MINDY4: variants seen among roughly 807,000 people sequenced by gnomAD.
MINDY4 encodes the protein MINDY lysine 48 deubiquitinase 4.
In MINDY4, 68 loss-of-function variants were observed where a neutral mutation model predicts 87.0. That is an observed-to-expected ratio of 0.78 (90% CI 0.64 to 0.96). The LOEUF is 0.96. Among genes scored for constraint, MINDY4 ranks in the 40% least tolerant of loss-of-function variants. The pLI, the probability that MINDY4 is intolerant of heterozygous loss-of-function variation, is 0.00. For missense variants in MINDY4, 919 were observed against 928.2 expected (o/e 0.99, Z 0.13); for synonymous variants, 379 against 363.2 (o/e 1.04, Z -0.50).
intron 15 of MINDY4, among the ~76,000 whole-genome samples, chr7:30,876,072 C>T (rs1055291714): frequency 6.6e-6 from 1 of 152,108 alleles, no homozygotes. Context: ...AACTGTCTCA[C>T]AGTTCTGGAG....
intron 4 of MINDY4, chr7:30,786,681 A>G (rs1787166609): frequency 6.6e-6 from 1 of 151,944 alleles, no homozygotes; most frequent in African/African-American, 2.4e-5. Flanking sequence ...TAAATCTAAA[A>G]CACAATAGTC....
intron 5 of MINDY4, among the ~76,000 whole-genome samples, chr7:30,827,344 C>T (rs887435569): frequency 2.6e-5 from 4 of 152,104 alleles, no homozygotes; most frequent in Admixed American, 6.5e-5. Context: ...AGGGTAGAAC[C>T]GAGGTCCTCA....
At chr7:30,872,378 C>G in intron 14 of MINDY4, 72 bp downstream of exon 14, 2 of 1,401,092 alleles carry the variant, frequency 1.4e-6, no homozygotes, top group Non-Finnish European at 2.0e-6. Flanking sequence ...AGGTCCTCCT[C>G]CCTCCTCTTG....
rs60164229 is a variant in MINDY4, at chr7:30,877,822, CTTTTTTTTTTTT to C, written c.1971+2191_1971+2202del. On this transcript the variant is annotated intron_variant, in intron 15 of 17. Transcript: ENST00000265299. ...GAGTAGCTGGGATTACAGGGACATG[CTTTTTTTTTTTT>C]TTTTTTTTTTTTTTTTTTTTTTTTA... Among the ~76,000 whole-genome samples the C allele has an allele frequency of 7.2e-3, 343 of 47,524 alleles. 12 individuals carry two copies. The highest frequency in any genetic ancestry group is 0.02 in the African/African-American group (292 of 14,842). 31.2% of individuals were successfully genotyped at this position (47,524 alleles called of 152,430 possible).
rs141781579 is a variant in MINDY4, at chr7:30,790,003, A to G, written c.664-1162A>G. On this transcript the variant is annotated intron_variant, in intron 4 of 17. Coordinates refer to ENST00000265299, the MANE Select transcript of MINDY4 (RefSeq NM_032222.3). ...TGTGAACACCAGAGGCGAATTAAGA[A>G]TGACCTCTGCCATCAGGAGGGGGTT... Among the ~76,000 whole-genome samples, 12 of 152,350 alleles carry G rather than the reference A, an allele frequency of 7.9e-5. No homozygotes were observed. The East Asian group carries it at 2.3e-3, about 29-fold the overall frequency.
At chr7:30,773,815 T>C (rs1394654616) in intron 1 of MINDY4, among the ~76,000 whole-genome samples, 8 of 152,152 alleles carry the variant, frequency 5.3e-5, no homozygotes, top group Admixed American at 4.6e-4. Context: ...TTCTCCAGCC[T>C]CACCACATCT....
rs1234336665 is a variant in MINDY4 at position 30,835,610 on chromosome 7, T to G, written c.1133-1048T>G. 3.9e-5 allele frequency among the ~76,000 whole-genome samples: 6 copies of G among 152,212 alleles called. 1 individual carries two copies. The highest frequency in any genetic ancestry group is 8.8e-5 in the Non-Finnish European group (6 of 68,032). On this transcript the variant is annotated intron_variant, in intron 6 of 17. Coordinates refer to ENST00000265299, the MANE Select transcript of MINDY4 (RefSeq NM_032222.3). ...CCCTTGTGCTGTGGCTGGGTCGCCCTGGGGAGAAAGGAGGCTGTAGCATAA... is the reference window on the plus strand; with the variant it reads ...CCCTTGTGCTGTGGCTGGGTCGCCCGGGGGAGAAAGGAGGCTGTAGCATAA...
chr7:30,853,978 C>A (rs1789495570), intron 12 of MINDY4, among the ~76,000 whole-genome samples: 1 of 152,064 alleles, frequency 6.6e-6, no homozygotes, highest in Admixed American at 6.5e-5. Context: ...GCTCTGGAGC[C>A]CCCCCGCCTG....
chr7:30,844,873 T>G (rs1789156724), intron 9 of MINDY4, among the ~76,000 whole-genome samples: 1 of 152,240 alleles, frequency 6.6e-6, no homozygotes, highest in South Asian at 2.1e-4. Flanking sequence ...CTGGCTTGCC[T>G]AAATTGGACT....
intron 5 of MINDY4, among the ~76,000 whole-genome samples, chr7:30,824,095 G>A (rs1192246022): frequency 6.6e-6 from 1 of 152,146 alleles, no homozygotes; most frequent in Non-Finnish European, 1.5e-5. Flanking sequence ...CAGAAAACCT[G>A]AAACTGAGTA....
intron 6 of MINDY4, among the ~76,000 whole-genome samples, chr7:30,834,038 G>T (rs1234438830): frequency 1.3e-5 from 2 of 152,350 alleles, no homozygotes; most frequent in Non-Finnish European, 2.9e-5. Flanking sequence ...CAGGCACATG[G>T]TGCAAGCTGT....
chr7:30,862,585 G>C (rs927724628), intron 13 of MINDY4, among the ~76,000 whole-genome samples: 1 of 152,226 alleles, frequency 6.6e-6, no homozygotes, highest in Non-Finnish European at 1.5e-5. Flanking sequence ...ACCTCTGCCT[G>C]CTGCCTCCGG....
intron 5 of MINDY4, among the ~76,000 whole-genome samples, chr7:30,807,688 T>C (rs1422117909): frequency 6.6e-6 from 1 of 152,222 alleles, no homozygotes. Context: ...TAATCAGTTA[T>C]GTTATCTATA....
rs1412654073 is a variant in MINDY4 at position 30,892,063 on chromosome 7, A to G, written c.*58A>G. ...ACTCATCACCTCATCACCGAGGATG[A>G]CAGCTGAACCCCAAGCCTCTGGGGC... On this transcript the variant is annotated 3_prime_UTR_variant, in exon 18 of 18. Transcript: ENST00000265299. The G allele has an allele frequency of 1.3e-6, 2 of 1,588,558 alleles. No individual in the cohort carries two copies. The highest frequency in any genetic ancestry group is 2.7e-5 in the African/African-American group (2 of 74,394).
At chr7:30,782,918 C>G (rs548369667) in intron 3 of MINDY4, among the ~76,000 whole-genome samples, 2 of 152,300 alleles carry the variant, frequency 1.3e-5, no homozygotes, top group South Asian at 2.1e-4. Flanking sequence ...TTGGGATAAT[C>G]TGCCTTACTT....
At chr7:30,832,051 G>C (rs1788721131) in intron 6 of MINDY4, among the ~76,000 whole-genome samples, 1 of 152,160 alleles carries the variant, frequency 6.6e-6, no homozygotes, top group African/African-American at 2.4e-5. Flanking sequence ...CTGCTATATG[G>C]TCCTAAACCA....
At chr7:30,774,709 G>C (rs554382127) in intron 1 of MINDY4, among the ~76,000 whole-genome samples, 1 of 151,720 alleles carries the variant, frequency 6.6e-6, no homozygotes, top group Non-Finnish European at 1.5e-5. Flanking sequence ...ACAGTTGATT[G>C]TGTCCTTCTG....
chr7:30,882,416 C>T lies in MINDY4; in HGVS notation c.2152+55C>T, dbSNP rs572018615. 86 of 1,415,856 alleles carry T rather than the reference C, an allele frequency of 6.1e-5. No homozygotes were observed. The South Asian group carries it at 1.2e-3, about 20-fold the overall frequency. The allele number at this position is 1,415,856 out of a possible 1,614,324, so 87.7% of individuals were successfully genotyped here. A position where few individuals can be genotyped will look rare whatever the true frequency, so the allele number is the denominator to read the frequency against. On this transcript the variant is annotated intron_variant, in intron 16 of 17. Coordinates refer to ENST00000265299, the MANE Select transcript of MINDY4 (RefSeq NM_032222.3). ...ACCCTGTCCCCAAGGAGCCTCCAGG[C>T]TGGTCACAGAAACCAGCCTTCCTAT...
chr7:30,865,193 C>T (rs1215708365), intron 13 of MINDY4, among the ~76,000 whole-genome samples: 1 of 152,208 alleles, frequency 6.6e-6, no homozygotes, highest in Non-Finnish European at 1.5e-5. Context: ...CCTCTCTCAC[C>T]TGAATCTTCC....
Sources: allele counts gnomAD v4.1 joint callset (sites outside exome capture counted in the v4.1 genomes callset), GRCh38; gene constraint gnomAD v4.1.1; transcripts MANE v1.5; gene names NCBI Gene and HGNC (gene_info 2026-07-23, HGNC 2026-07-21).